Variants in FGD4 observed in about 807,000 individuals in gnomAD.
FGD4 encodes the protein FYVE, RhoGEF and PH domain containing 4.
A neutral mutation model predicts 102.0 loss-of-function variants in FGD4; 42 were observed. That is an observed-to-expected ratio of 0.41 (90% CI 0.32 to 0.53). The LOEUF (loss-of-function observed/expected upper bound fraction) is 0.53. FGD4 is among the 20% of genes least tolerant of loss of function. FGD4 has a pLI of 0.21. For missense variants in FGD4, 902 were observed against 1,078.2 expected, an observed-to-expected ratio of 0.84 and a Z score of 2.29; for synonymous variants, 380 against 375.7, an observed-to-expected ratio of 1.01 and a Z score of -0.13.
At chr12:32,421,634 T>C (rs955155438) in intron 1 of FGD4, among the ~76,000 whole-genome samples, 4 of 152,218 alleles carry the variant, frequency 2.6e-5, no homozygotes, top group Non-Finnish European at 5.9e-5. Context: ...GCTCATTGTT[T>C]TTTCATTATT....
At chr12:32,502,168 T>G in intron 1 of FGD4, 1 of 985,518 alleles carries the variant, frequency 1.0e-6, no homozygotes, top group Non-Finnish European at 1.2e-6. Flanking sequence ...TGATTATCCT[T>G]GCTGGGCTGG....
chr12:32,541,837 G>A (rs1382800680), intron 1 of FGD4, among the ~76,000 whole-genome samples: 1 of 152,114 alleles, frequency 6.6e-6, no homozygotes, highest in East Asian at 1.9e-4. Context: ...TGTCAGTAGA[G>A]CAGTAAAAAT....
intron 4 of FGD4, chr12:32,582,717 T>C: frequency 1.9e-6 from 1 of 524,320 alleles, no homozygotes; most frequent in Non-Finnish European, 3.4e-6. Flanking sequence ...GTGTGGAAAC[T>C]TTAATATAGG....
At chr12:32,455,743 G>A (rs1334456546) in intron 1 of FGD4, among the ~76,000 whole-genome samples, 1 of 152,080 alleles carries the variant, frequency 6.6e-6, no homozygotes, top group Admixed American at 6.6e-5. Flanking sequence ...TAAGATTTCT[G>A]TATCCTGAAT....
At chr12:32,483,380 C>T (rs532313936) in intron 1 of FGD4, among the ~76,000 whole-genome samples, 4 of 152,122 alleles carry the variant, frequency 2.6e-5, no homozygotes, top group African/African-American at 7.2e-5. Context: ...CATTTTTCTA[C>T]GGCTAGATCC....
intron 1 of FGD4, among the ~76,000 whole-genome samples, chr12:32,517,741 C>T (rs575427179): frequency 2.6e-5 from 4 of 152,116 alleles, no homozygotes; most frequent in Admixed American, 6.5e-5. Flanking sequence ...AAAAAATTAG[C>T]TTGGCATGGT....
At chr12:32,536,104 G>C (rs1160410149) in intron 1 of FGD4, among the ~76,000 whole-genome samples, 8 of 150,822 alleles carry the variant, frequency 5.3e-5, no homozygotes, top group African/African-American at 1.9e-4. Context: ...TTAATGACCT[G>C]AAAAAACTTC....
At position 32,475,758 on chromosome 12, in the gene FGD4, G is replaced by T. The variant is rs538522478; in HGVS notation, c.166+75799G>T. 7.2e-5 allele frequency among the ~76,000 whole-genome samples: 11 copies of T among 152,290 alleles called. No individual in the cohort carries two copies. The South Asian group carries it at 2.3e-3, about 32-fold the overall frequency. ...ACATCTTCATGAGGTCTCAAAAAAG[G>T]ATCTTACCACCACATCCTAGAGGCT... On this transcript the variant is annotated intron_variant, in intron 1 of 16. Coordinates refer to ENST00000534526, the MANE Select transcript of FGD4 (RefSeq NM_001370298.3).
chr12:32,593,752 C>G (rs1313171006), intron 4 of FGD4, among the ~76,000 whole-genome samples: 2 of 152,216 alleles, frequency 1.3e-5, no homozygotes, highest in African/African-American at 4.8e-5. Flanking sequence ...GGCACAAGTT[C>G]TGCCAGGTTG....
intron 1 of FGD4, among the ~76,000 whole-genome samples, chr12:32,472,835 C>T (rs917221450): frequency 6.6e-6 from 1 of 152,212 alleles, no homozygotes; most frequent in Non-Finnish European, 1.5e-5. Flanking sequence ...GTGTTTAGCT[C>T]AAGGTTTGTG....
chr12:32,472,775 A>G (rs539593749), intron 1 of FGD4, among the ~76,000 whole-genome samples: 1 of 152,360 alleles, frequency 6.6e-6, no homozygotes, highest in South Asian at 2.1e-4. Flanking sequence ...GGGGACGTGG[A>G]GAGTCTTTAT....
intron 1 of FGD4, among the ~76,000 whole-genome samples, chr12:32,539,080 AG>A (rs373977191): frequency 1.8e-4 from 27 of 152,130 alleles, no homozygotes; most frequent in African/African-American, 5.8e-4. Context: ...AAAATAAATA[AG>A]AAAAAGAGGT....
At chr12:32,588,875 T>C (rs1947255310) in intron 4 of FGD4, among the ~76,000 whole-genome samples, 1 of 152,154 alleles carries the variant, frequency 6.6e-6, no homozygotes, top group Non-Finnish European at 1.5e-5. Context: ...CCCAGTTTAG[T>C]TGAGTGTGAG....
intron 1 of FGD4, among the ~76,000 whole-genome samples, chr12:32,502,784 C>CTGATGTTTTGAAATG (rs1938336984): frequency 6.6e-6 from 1 of 152,096 alleles, no homozygotes; most frequent in Non-Finnish European, 1.5e-5. Flanking sequence ...CCATTACTAG[C>CTGATGTTTTGAAATG]TGATGTTTTG....
At chr12:32,634,247 A>G (rs923923968) in intron 15 of FGD4, among the ~76,000 whole-genome samples, 5 of 151,608 alleles carry the variant, frequency 3.3e-5, no homozygotes, top group African/African-American at 1.2e-4. Context: ...ATCTCTTCTT[A>G]TACCCAAATT....
chr12:32,399,838 G>A lies in FGD4; in HGVS notation c.45G>A (p.Arg15=), dbSNP rs1334050768. 2.6e-6 allele frequency: 4 copies of A among 1,531,608 alleles called. No individual in the cohort carries two copies. Among genetic ancestry groups the A allele is most frequent in the Admixed American group, 3.9e-5 (2 of 50,866 alleles). 94.9% of individuals were successfully genotyped at this position (1,531,608 alleles called of 1,614,324 possible). A position where few individuals can be genotyped will look rare whatever the true frequency, so the allele number is the denominator to read the frequency against. The stretch of plus-strand genomic sequence containing the variant: ...CCAACTTCAGGCGGGTGGCGATCCG[G>A]CGGAAGTCCAACCCCTCCTACCTGC... The part of the protein sequence containing the change: ...GGSNFRRVAI[R]RKSNPSYLPP... The change falls in exon 1 of 17, where the codon CGG becomes CGA. Residue 15 remains arginine (R), a synonymous_variant. Transcript: ENST00000534526.
intron 10 of FGD4, among the ~76,000 whole-genome samples, chr12:32,619,464 T>TA (rs1396446951): frequency 6.6e-6 from 1 of 151,426 alleles, no homozygotes; most frequent in East Asian, 1.9e-4. Context: ...CTGTCTCTAC[T>TA]AAAAATACAA....
At chr12:32,593,193 C>T (rs1947619050) in intron 4 of FGD4, among the ~76,000 whole-genome samples, 1 of 152,106 alleles carries the variant, frequency 6.6e-6, no homozygotes, top group South Asian at 2.1e-4. Context: ...TGTAAGGATT[C>T]ATCAGTTTAT....
chr12:32,407,214 C>T (rs187618233), intron 1 of FGD4, among the ~76,000 whole-genome samples: 3 of 151,424 alleles, frequency 2.0e-5, no homozygotes, highest in South Asian at 2.1e-4. Context: ...CAACCTCCCC[C>T]TCCCGGGTTC....
Sources: allele counts gnomAD v4.1 joint callset (sites outside exome capture counted in the v4.1 genomes callset), GRCh38; gene constraint gnomAD v4.1.1; transcripts MANE v1.5; gene names NCBI Gene and HGNC (gene_info 2026-07-23, HGNC 2026-07-21).